Variants in PTPA observed in about 807,000 individuals in gnomAD.
The protein encoded by PTPA is serine/threonine-protein phosphatase 2A activator.
Under a neutral mutation model 43.6 loss-of-function variants are expected in PTPA, and 13 were observed. The ratio of observed to expected loss-of-function variants is 0.30; its 90% CI spans 0.19 to 0.47. The LOEUF is 0.47. Ranked by LOEUF, PTPA falls within the 20% of genes least tolerant of loss-of-function variation. The pLI is 0.99. For synonymous variants in PTPA, 172 were observed against 158.2 expected, an observed-to-expected ratio of 1.09 and a Z score of -0.66; for missense variants, 329 against 411.9, an observed-to-expected ratio of 0.80 and a Z score of 1.74.
intron 1 of PTPA, among the ~76,000 whole-genome samples, chr9:129,120,255 C>T (rs1849160676): frequency 9.6e-6 from 1 of 103,706 alleles, no homozygotes; most frequent in Non-Finnish European, 2.4e-5. Context: ...GAGACTCTGT[C>T]TCAAAGAAAA....
Position 129,147,473 on chromosome 9 carries a change from A to G in PTPA, c.*9A>G, listed in dbSNP as rs765816003. On this transcript the variant is annotated 3_prime_UTR_variant, in exon 10 of 10. Transcript: ENST00000393370. The stretch of plus-strand genomic sequence containing the variant: ...CTGTCACGTCGGGCTAGGAGGGGCC[A>G]AGCCGAAGAGCCACCCAGGCCACAG... 1.2e-5 allele frequency: 19 copies of G among 1,613,062 alleles called. No individual in the cohort carries two copies. The highest frequency in any genetic ancestry group is 3.4e-4 in the Middle Eastern group (2 of 5,856).
intron 3 of PTPA, among the ~76,000 whole-genome samples, chr9:129,126,262 C>T (rs1223327114): frequency 3.3e-5 from 5 of 152,012 alleles, no homozygotes; most frequent in Admixed American, 6.6e-5. Flanking sequence ...GGTACGATCT[C>T]GGCTCACCAC....
upstream of PTPA, chr9:129,111,295 G>T: frequency 8.8e-7 from 1 of 1,134,238 alleles, no homozygotes; most frequent in South Asian, 3.4e-5. Context: ...AGCGGTCCTA[G>T]CGCTTGGCGG....
intron 9 of PTPA, among the ~76,000 whole-genome samples, chr9:129,145,727 C>CG (rs1177682327): frequency 5.9e-5 from 9 of 151,964 alleles, no homozygotes; most frequent in East Asian, 1.9e-4. Flanking sequence ...TGCGGGGCGG[C>CG]GGGGGGGAGG....
chr9:129,113,135 C>G (rs970076142), intron 1 of PTPA, among the ~76,000 whole-genome samples: 1 of 151,892 alleles, frequency 6.6e-6, no homozygotes, highest in Non-Finnish European at 1.5e-5. Flanking sequence ...ACTCTGTCCC[C>G]CAGGCTGAAG....
rs535914487 is a variant in PTPA at position 129,127,197 on chromosome 9, C to T, written c.217-1788C>T. Among the ~76,000 whole-genome samples the T allele has an allele frequency of 7.9e-5, 12 of 152,288 alleles. No individual in the cohort carries two copies. In the East Asian group the frequency reaches 2.3e-3, roughly 29 times the overall value. ...AGGCTACTTTTTCTGTCCTCCCATG[C>T]CCCAAGCCTAGATAAAGGGGAGATA... On this transcript the variant is annotated intron_variant, in intron 3 of 9. Transcript: ENST00000393370.
At chr9:129,139,683 G>A (rs937121108) in intron 8 of PTPA, 2 of 152,252 alleles carry the variant, frequency 1.3e-5, no homozygotes, top group African/African-American at 4.8e-5. Flanking sequence ...TGGGGACCTG[G>A]AGGCTTGCAT....
intron 8 of PTPA, chr9:129,142,112 G>T: frequency 4.0e-6 from 1 of 248,168 alleles, no homozygotes; most frequent in South Asian, 1.3e-4. Flanking sequence ...GAGGCTGCTG[G>T]ATTTGGTGGG....
chr9:129,130,059 G>T (rs996066244), intron 4 of PTPA, among the ~76,000 whole-genome samples: 1 of 152,138 alleles, frequency 6.6e-6, no homozygotes, highest in Non-Finnish European at 1.5e-5. Context: ...ATACTCCATG[G>T]TGTGGATGGA....
chr9:129,144,736 C>CAAAAAAA (rs35064318), intron 9 of PTPA, among the ~76,000 whole-genome samples: 1 of 108,052 alleles, frequency 9.3e-6, no homozygotes. Context: ...GAGACTCTCT[C>CAAAAAAA]AAAAAAAAAA....
Position 129,146,033 on chromosome 9 carries a change from C to T in PTPA, c.895-1354C>T, listed in dbSNP as rs117689523. On this transcript the variant is annotated intron_variant, in intron 9 of 9. Transcript: ENST00000393370. ...AAGAACCCCTGCCTCCACCCCTTCT[C>T]GCCTTGCAACTTCTTCTATGGGAGC... Among the ~76,000 whole-genome samples, 155 of 151,492 alleles carry T rather than the reference C, an allele frequency of 1.0e-3. 1 individual carries two copies. Among genetic ancestry groups the T allele is most frequent in the Admixed American group, 8.5e-3 (130 of 15,212 alleles).
chr9:129,134,794 G>T lies in PTPA; in HGVS notation c.461-1G>T. On this transcript the variant is annotated splice_acceptor_variant, in intron 5 of 9. Coordinates refer to ENST00000393370, the MANE Select transcript of PTPA (RefSeq NM_178000.3). LOFTEE classifies it high-confidence loss of function. ...CAACGCTGGTTGTTTTTCTCCTCCA[G>T]GGCATGAGGCAGCCTTCGCTGCTTT... 6.2e-7 allele frequency: 1 copy of T among 1,613,214 alleles called. No individual in the cohort carries two copies.
At chr9:129,116,964 G>C (rs541071977) in intron 1 of PTPA, among the ~76,000 whole-genome samples, 33 of 152,260 alleles carry the variant, frequency 2.2e-4, no homozygotes, top group African/African-American at 7.5e-4. Flanking sequence ...ACTGTGCCTG[G>C]TCTAGATTTT....
chr9:129,147,758 T>C lies in PTPA; in HGVS notation c.*294T>C, dbSNP rs1303526647. 3 of 413,212 alleles carry C rather than the reference T, an allele frequency of 7.3e-6. No homozygotes were observed. The East Asian group carries it at 1.6e-4, about 21-fold the overall frequency. 25.6% of individuals were successfully genotyped at this position (413,212 alleles called of 1,614,324 possible). A position where few individuals can be genotyped will look rare whatever the true frequency, so the allele number is the denominator to read the frequency against. On this transcript the variant is annotated 3_prime_UTR_variant, in exon 10 of 10. Transcript: ENST00000393370. ...CCACTCTCTCCTGTTTCTGGCCTCTTCTCCCTTCACTCCCGTCCAGTCTGG... is the reference window on the plus strand; with the variant it reads ...CCACTCTCTCCTGTTTCTGGCCTCTCCTCCCTTCACTCCCGTCCAGTCTGG...
chr9:129,113,322 C>G (rs967220653), intron 1 of PTPA, among the ~76,000 whole-genome samples: 1 of 151,398 alleles, frequency 6.6e-6, no homozygotes, highest in African/African-American at 2.4e-5. Flanking sequence ...GAACTCCTGA[C>G]CTCGTGATCC....
chr9:129,134,844 G>A lies in PTPA; in HGVS notation c.510G>A (p.Gly170=). The change falls in exon 6 of 10, where the codon GGG becomes GGA. Residue 170 remains glycine (G), a synonymous_variant. Transcript: ENST00000393370. The part of the protein sequence containing the change: ...AAFLCCLCKI[G]VLRVDDQIAI... ...TCCTCTGCTGTCTCTGCAAGATTGG[G>A]GTGCTCCGGGTGGATGACCAAATAG... 6.2e-7 allele frequency: 1 copy of A among 1,614,120 alleles called. No individual in the cohort carries two copies. The highest frequency in any genetic ancestry group is 8.5e-7 in the Non-Finnish European group (1 of 1,180,034).
At chr9:129,125,781 A>T (rs1271905719) in intron 3 of PTPA, among the ~76,000 whole-genome samples, 1 of 152,202 alleles carries the variant, frequency 6.6e-6, no homozygotes, top group Non-Finnish European at 1.5e-5. Flanking sequence ...CTAAATAAAT[A>T]CTTCGATTGT....
At chr9:129,133,372 C>T (rs1850116973) in intron 5 of PTPA, among the ~76,000 whole-genome samples, 1 of 152,192 alleles carries the variant, frequency 6.6e-6, no homozygotes, top group Non-Finnish European at 1.5e-5. Flanking sequence ...GTTGGTGCCC[C>T]AGCTGCATGT....
intron 1 of PTPA, among the ~76,000 whole-genome samples, chr9:129,120,196 T>C (rs972844714): frequency 6.6e-6 from 1 of 151,894 alleles, no homozygotes; most frequent in African/African-American, 2.4e-5. Context: ...AGGCAGAGGT[T>C]GCAGTGAGCT....
Sources: allele counts gnomAD v4.1 joint callset (sites outside exome capture counted in the v4.1 genomes callset), GRCh38; gene constraint gnomAD v4.1.1; transcripts MANE v1.5; gene names NCBI Gene and HGNC (gene_info 2026-07-23, HGNC 2026-07-21).